Variants in TBX15 observed in about 807,000 individuals in gnomAD.
The protein encoded by TBX15 is T-box transcription factor 15, also known as T-box transcription factor TBX15.
In TBX15, 18 loss-of-function variants were observed where a neutral mutation model predicts 53.9. That is an observed-to-expected ratio of 0.33 (90% CI 0.23 to 0.49). The LOEUF (loss-of-function observed/expected upper bound fraction) is 0.49. TBX15 is among the 20% of genes least tolerant of loss of function. The pLI is 0.98. For missense variants in TBX15, 692 were observed against 749.5 expected (o/e 0.92, Z 0.90); for synonymous variants, 295 against 278.0 (o/e 1.06, Z -0.61).
chr1:118,983,760 C>T (rs1657723219), intron 1 of TBX15, among the ~76,000 whole-genome samples: 1 of 152,162 alleles, frequency 6.6e-6, no homozygotes, highest in Admixed American at 6.5e-5. Context: ...GGACTCAACC[C>T]CAGCAGACCC....
intron 1 of TBX15, among the ~76,000 whole-genome samples, chr1:118,939,873 T>C (rs1033709699): frequency 1.3e-5 from 2 of 151,838 alleles, no homozygotes; most frequent in African/African-American, 4.9e-5. Flanking sequence ...TTATGTACGT[T>C]ATTATCTCAT....
chr1:118,893,869 T>C (rs1466402567), intron 7 of TBX15, among the ~76,000 whole-genome samples: 1 of 152,130 alleles, frequency 6.6e-6, no homozygotes, highest in East Asian at 1.9e-4. Flanking sequence ...GTACTAAATA[T>C]ACACTCAACC....
At chr1:118,980,015 G>C (rs1057125293) in intron 1 of TBX15, among the ~76,000 whole-genome samples, 22 of 152,214 alleles carry the variant, frequency 1.4e-4, no homozygotes, top group Non-Finnish European at 2.6e-4. Flanking sequence ...ACGCGGCCAC[G>C]GCCTAATTCT....
intron 7 of TBX15, among the ~76,000 whole-genome samples, chr1:118,896,040 G>T (rs1219398192): frequency 6.6e-6 from 1 of 152,182 alleles, no homozygotes; most frequent in African/African-American, 2.4e-5. Flanking sequence ...TTTGAATGCA[G>T]CTCAACACAA....
Position 118,923,526 on chromosome 1 carries a change from G to C in TBX15, c.771C>G (p.Pro257=). The part of the protein sequence containing the change: ...IRKDFSSDLS[P]TKPVPVGDGV... ...CATCCCCAACAGGAACAGGCTTAGTGGGTGAAAGGTCACTGCTGAAGTCTT... is the reference window on the plus strand; with the variant it reads ...CATCCCCAACAGGAACAGGCTTAGTCGGTGAAAGGTCACTGCTGAAGTCTT... The change falls in exon 5 of 8, where the codon CCC becomes CCG. Residue 257 remains proline (P), a synonymous_variant. Coordinates refer to ENST00000369429, the MANE Select transcript of TBX15 (RefSeq NM_001330677.2). 1 of 1,614,004 alleles carries C rather than the reference G, an allele frequency of 6.2e-7. No homozygotes were observed. Among genetic ancestry groups the C allele is most frequent in the Non-Finnish European group, 8.5e-7 (1 of 1,179,944 alleles).
chr1:118,959,895 G>A lies in TBX15; in HGVS notation c.205+27696C>T, dbSNP rs570658299. Reference sequence around the variant, plus strand: ...GAATATAGTACCTTGGGGTGGAGTAGAGAGGCATGTTTCACCTGCGGCTTC... The same window carrying A: ...GAATATAGTACCTTGGGGTGGAGTAAAGAGGCATGTTTCACCTGCGGCTTC... On this transcript the variant is annotated intron_variant, in intron 1 of 7. Coordinates refer to ENST00000369429, the MANE Select transcript of TBX15 (RefSeq NM_001330677.2). Among the ~76,000 whole-genome samples the A allele has an allele frequency of 5.3e-5, 8 of 152,264 alleles. 1 individual carries two copies. In the South Asian group the frequency reaches 1.5e-3, roughly 28 times the overall value.
intron 1 of TBX15, among the ~76,000 whole-genome samples, chr1:118,960,097 A>C (rs141346111): frequency 1.2e-3 from 174 of 151,126 alleles, no homozygotes; most frequent in Non-Finnish European, 2.0e-3. Context: ...AGAAAAGGGA[A>C]GTCAGAGCAA....
chr1:118,939,426 A>C lies in TBX15; in HGVS notation c.206-7594T>G, dbSNP rs1571191458. Reference sequence around the variant, plus strand: ...TAGTCTCAAAAAAAAAAAAAAAAAAAAAAAAAAAAACAAAAACAGGAACAG... The same window carrying C: ...TAGTCTCAAAAAAAAAAAAAAAAAACAAAAAAAAAACAAAAACAGGAACAG... On this transcript the variant is annotated intron_variant, in intron 1 of 7. Transcript: ENST00000369429. 3.8e-5 allele frequency among the ~76,000 whole-genome samples: 4 copies of C among 106,656 alleles called. No individual in the cohort carries two copies. In the South Asian group the frequency reaches 8.8e-4, roughly 23 times the overall value. The allele number at this position is 106,656 out of a possible 152,430, so 70.0% of individuals were successfully genotyped here. A position where few individuals can be genotyped will look rare whatever the true frequency, so the allele number is the denominator to read the frequency against.
intron 1 of TBX15, among the ~76,000 whole-genome samples, chr1:118,962,709 C>T (rs892765019): frequency 6.6e-6 from 1 of 152,204 alleles, no homozygotes; most frequent in Admixed American, 6.5e-5. Context: ...CTCTCTACCC[C>T]TTTACAGTTT....
At chr1:118,894,855 CT>C (rs1654368574) in intron 7 of TBX15, among the ~76,000 whole-genome samples, 2 of 152,210 alleles carry the variant, frequency 1.3e-5, no homozygotes, top group South Asian at 2.1e-4. Flanking sequence ...TCCCTACCCC[CT>C]ATCAGGAGCT....
chr1:118,886,058 T>C (rs2101429126), intron 7 of TBX15, among the ~76,000 whole-genome samples: 1 of 152,288 alleles, frequency 6.6e-6, no homozygotes, highest in Admixed American at 6.5e-5. Flanking sequence ...TGGAAGACAG[T>C]GCCAAGTCAA....
At chr1:118,935,049 C>G (rs1332449992) in intron 1 of TBX15, among the ~76,000 whole-genome samples, 9 of 152,116 alleles carry the variant, frequency 5.9e-5, no homozygotes, top group African/African-American at 1.9e-4. Flanking sequence ...TATAGATGCT[C>G]TTTTTAAAAA....
chr1:118,890,817 A>G, intron 7 of TBX15: 1 of 1,189,462 alleles, frequency 8.4e-7, no homozygotes, highest in Non-Finnish European at 1.1e-6. Flanking sequence ...GAAAAACAGT[A>G]AGGCAAAACC....
At chr1:118,958,929 C>A (rs978321119) in intron 1 of TBX15, among the ~76,000 whole-genome samples, 3 of 151,576 alleles carry the variant, frequency 2.0e-5, no homozygotes, top group African/African-American at 7.3e-5. Context: ...GGTAGAAGAC[C>A]GTGCTTATTG....
chr1:118,919,461 T>C (rs1027665068), intron 5 of TBX15, among the ~76,000 whole-genome samples: 1 of 152,190 alleles, frequency 6.6e-6, no homozygotes, highest in African/African-American at 2.4e-5. Flanking sequence ...TTCAGTATGC[T>C]AGCAGCCCTA....
At chr1:118,888,774 C>CGAT (rs1310224477) in intron 7 of TBX15, among the ~76,000 whole-genome samples, 1 of 152,140 alleles carries the variant, frequency 6.6e-6, no homozygotes, top group Non-Finnish European at 1.5e-5. Flanking sequence ...TATGTTCTAT[C>CGAT]AGGCACTGGT....
At chr1:118,934,878 A>G (rs1655913299) in intron 1 of TBX15, among the ~76,000 whole-genome samples, 1 of 152,166 alleles carries the variant, frequency 6.6e-6, no homozygotes, top group Non-Finnish European at 1.5e-5. Flanking sequence ...AATACCCTGA[A>G]CTTCTAGATT....
intron 1 of TBX15, among the ~76,000 whole-genome samples, chr1:118,956,705 C>A (rs567370674): frequency 6.6e-6 from 1 of 152,038 alleles, no homozygotes; most frequent in African/African-American, 2.4e-5. Context: ...GTAATCCCAG[C>A]ACTTTGGGAG....
chr1:118,916,164 G>A (rs1655211759), intron 5 of TBX15, among the ~76,000 whole-genome samples: 1 of 152,164 alleles, frequency 6.6e-6, no homozygotes, highest in African/African-American at 2.4e-5. Context: ...TCCTCAAGGA[G>A]CTTATAATCC....
Sources: allele counts gnomAD v4.1 joint callset (sites outside exome capture counted in the v4.1 genomes callset), GRCh38; gene constraint gnomAD v4.1.1; transcripts MANE v1.5; gene names NCBI Gene and HGNC (gene_info 2026-07-23, HGNC 2026-07-21).